Variants in ENPP6 observed in about 807,000 individuals in gnomAD.
ENPP6 encodes the protein glycerophosphocholine cholinephosphodiesterase ENPP6.
A neutral mutation model predicts 42.0 loss-of-function variants in ENPP6; 32 were observed. That is an observed-to-expected ratio of 0.76 (90% CI 0.58 to 1.02). ENPP6 has a LOEUF of 1.02. Ranked by LOEUF, ENPP6 falls within the 50% of genes least tolerant of loss-of-function variation. The pLI is 0.00. For synonymous variants in ENPP6, 213 were observed against 216.0 expected (o/e 0.99, Z 0.12); for missense variants, 552 against 566.8 (o/e 0.97, Z 0.27).
intron 1 of ENPP6, among the ~76,000 whole-genome samples, chr4:184,172,997 A>G (rs1392558865): frequency 6.6e-6 from 1 of 152,104 alleles, no homozygotes; most frequent in African/African-American, 2.4e-5. Flanking sequence ...CTCCGCCACC[A>G]GGGTTCAAGC....
rs1560995532 is a variant in ENPP6, at chr4:184,156,859, GC to G, written c.242-3127del. On this transcript the variant is annotated intron_variant, in intron 1 of 7. Transcript: ENST00000296741. ...CCATCACAAGAAGTTTCTTAGCAAG[GC>G]CCCCAGAAACTTCTGCACCATGTTA... 3.9e-5 allele frequency among the ~76,000 whole-genome samples: 6 copies of G among 152,178 alleles called. No individual in the cohort carries two copies. The South Asian group carries it at 1.2e-3, about 32-fold the overall frequency.
intron 1 of ENPP6, among the ~76,000 whole-genome samples, chr4:184,211,560 G>T (rs1733112221): frequency 6.6e-6 from 1 of 152,192 alleles, no homozygotes; most frequent in Non-Finnish European, 1.5e-5. Flanking sequence ...TCTCTGAATA[G>T]ACCAATAACA....
intron 6 of ENPP6, among the ~76,000 whole-genome samples, chr4:184,107,557 A>T (rs12648031): frequency 2.6e-5 from 4 of 152,016 alleles, no homozygotes; most frequent in Admixed American, 6.6e-5. Context: ...TGGGCAGATC[A>T]CAAGGTCAGG....
At chr4:184,153,834 T>A (rs1737100544) in intron 1 of ENPP6, 101 bp from the exon 2 acceptor site, 3 of 1,313,582 alleles carry the variant, frequency 2.3e-6, no homozygotes, top group Non-Finnish European at 3.1e-6. Flanking sequence ...GTTTAGGAAG[T>A]ACAGAACAGC....
At chr4:184,113,908 T>TTTCTTTCTTTCC (rs1736259801) in intron 5 of ENPP6, among the ~76,000 whole-genome samples, 3 of 104,148 alleles carry the variant, frequency 2.9e-5, no homozygotes, top group Non-Finnish European at 4.1e-5. Context: ...CTTTTCTTTC[T>TTTCTTTCTTTCC]TTCTTTCTTT....
chr4:184,101,346 GTGTGT>G (rs1736001774), intron 6 of ENPP6, among the ~76,000 whole-genome samples: 1 of 110,998 alleles, frequency 9.0e-6, no homozygotes. Context: ...GTGTGTGTGT[GTGTGT>G]AGCACTGGGG....
At chr4:184,183,947 G>T (rs1439254789) in intron 1 of ENPP6, among the ~76,000 whole-genome samples, 7 of 152,190 alleles carry the variant, frequency 4.6e-5, no homozygotes, top group Admixed American at 3.9e-4. Context: ...CCTGCTATTT[G>T]CCAGAGCCTT....
At position 184,208,920 on chromosome 4, in the gene ENPP6, C is replaced by CCCTGACT. The variant is rs1415232955; in HGVS notation, c.241+8658_241+8659insAGTCAGG. The stretch of plus-strand genomic sequence containing the variant: ...GGGCAGACTGCCTCCTCAAGTGGGT[C>CCCTGACT]CCTGACCCCTGACCCCCGAGCAGCC... On this transcript the variant is annotated intron_variant, in intron 1 of 7. Coordinates refer to ENST00000296741, the MANE Select transcript of ENPP6 (RefSeq NM_153343.4). Among the ~76,000 whole-genome samples, 16 of 143,954 alleles carry CCCTGACT rather than the reference C, an allele frequency of 1.1e-4. No homozygotes were observed. In the East Asian group the frequency reaches 3.0e-3, roughly 27 times the overall value. The allele number at this position is 143,954 out of a possible 152,430, so 94.4% of individuals were successfully genotyped here. A position where few individuals can be genotyped will look rare whatever the true frequency, so the allele number is the denominator to read the frequency against.
rs564394068 is a variant in ENPP6 at position 184,112,459 on chromosome 4, A to C, written c.993+213T>G. The C allele has an allele frequency of 3.7e-5, 20 of 546,044 alleles. No individual in the cohort carries two copies. In the East Asian group the frequency reaches 5.4e-4, roughly 15 times the overall value. The allele number at this position is 546,044 out of a possible 1,614,324, so 33.8% of individuals were successfully genotyped here. On this transcript the variant is annotated intron_variant, in intron 6 of 7. Transcript: ENST00000296741. ...AAACACAGCGAGTCTGGAGCCACGA[A>C]GTCTAAACCATGACTCTGGGTTCGC...
intron 5 of ENPP6, among the ~76,000 whole-genome samples, chr4:184,116,423 C>A (rs949275779): frequency 3.3e-5 from 5 of 152,110 alleles, no homozygotes; most frequent in Admixed American, 6.5e-5. Context: ...TGACACTGCT[C>A]TGTATGTCAG....
At chr4:184,153,511 T>A (rs751464101) in intron 2 of ENPP6, 43 bp downstream of exon 2, 1 of 1,577,714 alleles carries the variant, frequency 6.3e-7, no homozygotes. Flanking sequence ...CCTCAGAGAC[T>A]CTATGATGAT....
chr4:184,116,933 T>C lies in ENPP6; in HGVS notation c.778A>G (p.Ser260Gly). 7.4e-6 allele frequency: 12 copies of C among 1,614,196 alleles called. No homozygotes were observed. The highest frequency in any genetic ancestry group is 1.0e-5 in the Non-Finnish European group (12 of 1,180,044). The change falls in exon 5 of 8, where the codon AGC (serine) becomes GGC (glycine). Residue 260 changes from serine to glycine, a missense_variant. Around this residue, in one of 2 missense-constraint regions of ENPP6, gnomAD observed 545 missense variants for 546.3 expected, o/e 1.00. Transcript: ENST00000296741. ...DKVIELNKYI[S>G]LNDLQQVKDR... ...TTCACTTGCTGCAGGTCATTCAGGC[T>C]GATGTACTTATTCAGCTCAATCACT...
intron 6 of ENPP6, among the ~76,000 whole-genome samples, chr4:184,108,801 G>A (rs1038478219): frequency 5.3e-5 from 8 of 152,238 alleles, no homozygotes; most frequent in Non-Finnish European, 8.8e-5. Flanking sequence ...TTGTGTTCAT[G>A]GACATAGGTG....
At chr4:184,168,482 C>T (rs1737397237) in intron 1 of ENPP6, among the ~76,000 whole-genome samples, 1 of 151,614 alleles carries the variant, frequency 6.6e-6, no homozygotes, top group South Asian at 2.1e-4. Flanking sequence ...ATCTGCCTTG[C>T]ACAGGAAGCT....
At chr4:184,101,533 A>G (rs566040451) in intron 6 of ENPP6, among the ~76,000 whole-genome samples, 3 of 152,160 alleles carry the variant, frequency 2.0e-5, no homozygotes, top group Non-Finnish European at 2.9e-5. Flanking sequence ...CATCAGAGAG[A>G]GACAGCTGGA....
At chr4:184,160,759 C>T (rs919472235) in intron 1 of ENPP6, among the ~76,000 whole-genome samples, 1 of 152,150 alleles carries the variant, frequency 6.6e-6, no homozygotes, top group African/African-American at 2.4e-5. Context: ...CCAAGATTCT[C>T]ACAAGTCCCC....
At chr4:184,209,710 C>A (rs1311472727) in intron 1 of ENPP6, among the ~76,000 whole-genome samples, 1 of 148,542 alleles carries the variant, frequency 6.7e-6, no homozygotes, top group African/African-American at 2.5e-5. Context: ...GGCAGGCCAA[C>A]GTTCAGATTC....
chr4:184,096,577 T>G (rs1432157475), intron 7 of ENPP6, among the ~76,000 whole-genome samples: 1 of 152,194 alleles, frequency 6.6e-6, no homozygotes, highest in African/African-American at 2.4e-5. Flanking sequence ...TTCCAAAGTA[T>G]GAATTGGCAG....
chr4:184,119,883 T>C (rs7675696), intron 3 of ENPP6, among the ~76,000 whole-genome samples: 8 of 152,076 alleles, frequency 5.3e-5, no homozygotes, highest in African/African-American at 1.7e-4. Flanking sequence ...CCTTCTGCCA[T>C]GATTGTAAGT....
Sources: gnomAD v4.1 joint callset for allele counts (sites outside exome capture counted in the v4.1 genomes callset) on GRCh38, gnomAD v4.1.1 for gene constraint, gnomAD v4.1.1 regional missense constraint, MANE v1.5 for transcripts, NCBI Gene and HGNC (gene_info 2026-07-23, HGNC 2026-07-21) for gene names.